The following ERAP1 variants were observed in gnomAD, a reference collection of about 807,000 sequenced individuals.
The protein encoded by ERAP1 is adipocyte-derived leucine aminopeptidase.
Under a neutral mutation model 103.7 loss-of-function variants are expected in ERAP1, and 86 were observed. The ratio of observed to expected loss-of-function variants is 0.83; its 90% CI spans 0.70 to 0.99. The LOEUF (loss-of-function observed/expected upper bound fraction) is 0.99, where lower values mean the gene tolerates loss of function less well. ERAP1 is among the 50% of genes least tolerant of loss of function. The probability of loss-of-function intolerance (pLI) is 0.00; values close to 1 mark genes in which losing one functional copy is unlikely to be tolerated. For missense variants in ERAP1, 1,009 were observed against 1,128.4 expected, an observed-to-expected ratio of 0.89 and a Z score of 1.52; for synonymous variants, 398 against 402.4, an observed-to-expected ratio of 0.99 and a Z score of 0.13.
In ERAP1 at chr5:96,776,328, A is replaced by G. The variant is rs2150875058; in HGVS notation, c.*68T>C. On this transcript the variant is annotated 3_prime_UTR_variant, in exon 19 of 19. Transcript: ENST00000443439. ...AGTTGGAGCCAAAACAGCCATCTCT[A>G]GTTTGAAAATACACTCAACAAAATG... 1 of 1,560,800 alleles carries G rather than the reference A, an allele frequency of 6.4e-7. No homozygotes were observed. Among genetic ancestry groups the G allele is most frequent in the South Asian group, 1.2e-5 (1 of 82,400 alleles).
intron 17 of ERAP1, 41 bp downstream of exon 17, chr5:96,781,017 T>C (rs1775089466): frequency 6.2e-7 from 1 of 1,612,744 alleles, no homozygotes; most frequent in South Asian, 1.1e-5. Context: ...AGTAAGGTTA[T>C]GAACTTATCC....
At chr5:96,794,308 C>T (rs1230879721) in intron 5 of ERAP1, among the ~76,000 whole-genome samples, 1 of 151,078 alleles carries the variant, frequency 6.6e-6, no homozygotes, top group African/African-American at 2.4e-5. Context: ...CCCATCTCAG[C>T]CTTGCAAGTA....
chr5:96,913,398 A>G, the ERAP1 span: 5 of 1,614,042 alleles, frequency 3.1e-6, no homozygotes, highest in African/African-American at 1.3e-5. Flanking sequence ...CCAGACGTCC[A>G]AAGGGGCAGC....
chr5:96,931,916 A>C, the ERAP1 span, among the ~76,000 whole-genome samples: 1 of 152,238 alleles, frequency 6.6e-6, no homozygotes, highest in African/African-American at 2.4e-5. Context: ...TTGTTATATG[A>C]AATGATAAAT....
downstream of ERAP1, chr5:96,773,135 A>G (rs892051278): frequency 1.3e-5 from 2 of 153,842 alleles, no homozygotes; most frequent in Non-Finnish European, 2.9e-5. Context: ...GATAATGTTT[A>G]TAAGTCAAAC....
At chr5:96,788,134 A>C (rs1776304869) in intron 11 of ERAP1, among the ~76,000 whole-genome samples, 1 of 152,184 alleles carries the variant, frequency 6.6e-6, no homozygotes, top group South Asian at 2.1e-4. Flanking sequence ...ACTCAGAAGA[A>C]GACAACTGAG....
chr5:96,790,135 A>T (rs1162265977), intron 10 of ERAP1, among the ~76,000 whole-genome samples, 161 bp downstream of exon 10: 1 of 152,358 alleles, frequency 6.6e-6, no homozygotes, highest in Admixed American at 6.5e-5. Flanking sequence ...TTTAAGAAAA[A>T]TTGAAAAAGA....
At chr5:96,786,128 A>C in intron 12 of ERAP1, 157 bp from the exon 13 acceptor site, 1 of 708,806 alleles carries the variant, frequency 1.4e-6, no homozygotes, top group Non-Finnish European at 2.4e-6. Flanking sequence ...CAGCAACTCA[A>C]TAGACAAAAG....
At chr5:96,793,064 G>A (rs1372582651) in intron 7 of ERAP1, among the ~76,000 whole-genome samples, 2 of 152,170 alleles carry the variant, frequency 1.3e-5, no homozygotes, top group Non-Finnish European at 2.9e-5. Flanking sequence ...TCAGTAATCT[G>A]TACCTAATAA....
the ERAP1 span, chr5:96,934,837 A>AG: frequency 6.6e-6 from 1 of 152,646 alleles, no homozygotes; most frequent in Non-Finnish European, 1.5e-5. Flanking sequence ...AAGTCAATGC[A>AG]GGGGCCGGGG....
At chr5:96,897,287 A>G in the ERAP1 span, among the ~76,000 whole-genome samples, 1 of 152,308 alleles carries the variant, frequency 6.6e-6, no homozygotes, top group East Asian at 1.9e-4. Context: ...TCTCTAGATC[A>G]TTGTGCCTAT....
the ERAP1 span, chr5:96,915,761 T>C: frequency 1.2e-6 from 2 of 1,600,384 alleles, no homozygotes; most frequent in Non-Finnish European, 1.7e-6. Context: ...CAAGGATAAG[T>C]TGCAAGAGGT....
the ERAP1 span, among the ~76,000 whole-genome samples, chr5:96,865,880 T>G: frequency 0.085 from 12,944 of 152,236 alleles, 697 homozygotes; most frequent in Non-Finnish European, 0.12. Flanking sequence ...CAAACCATGT[T>G]GCTTTCATCA....
chr5:96,894,514 A>T, the ERAP1 span, among the ~76,000 whole-genome samples: 22 of 32,372 alleles, frequency 6.8e-4, no homozygotes, highest in Admixed American at 1.9e-3. Flanking sequence ...CTAGATGTGC[A>T]GTATTAGGCA....
chr5:96,868,325 G>T, the ERAP1 span, among the ~76,000 whole-genome samples: 1 of 152,154 alleles, frequency 6.6e-6, no homozygotes, highest in African/African-American at 2.4e-5. Flanking sequence ...AATGAGACTG[G>T]TTATCGGTGT....
At chr5:96,831,109 T>C in the ERAP1 span, among the ~76,000 whole-genome samples, 3 of 152,194 alleles carry the variant, frequency 2.0e-5, no homozygotes, top group South Asian at 4.1e-4. Flanking sequence ...ACAGGAAGCA[T>C]AGCAGCTTCT....
In ERAP1 at chr5:96,775,134, G is replaced by A; in HGVS notation, c.*1262C>T. ...ATAAGAAATAAAATCTAATTCTTAG[G>A]GTATTAACTGACTTGACTTGAACTC... On this transcript the variant is annotated 3_prime_UTR_variant, in exon 19 of 19. Transcript: ENST00000443439. 1 of 985,402 alleles carries A rather than the reference G, an allele frequency of 1.0e-6. No individual in the cohort carries two copies. Among genetic ancestry groups the A allele is most frequent in the Non-Finnish European group, 1.2e-6 (1 of 829,880 alleles). 61.0% of individuals were successfully genotyped at this position (985,402 alleles called of 1,614,324 possible).
chr5:96,824,632 C>A, the ERAP1 span, among the ~76,000 whole-genome samples: 4 of 152,316 alleles, frequency 2.6e-5, no homozygotes, highest in South Asian at 8.3e-4. Flanking sequence ...GGAAAACTTT[C>A]CCATCTGCCA....
rs1770535270 is a variant in ERAP1 at position 96,767,772 on chromosome 5, T to G, written c.2819-4544A>C. 4 of 639,116 alleles carry G rather than the reference T, an allele frequency of 6.3e-6. No individual in the cohort carries two copies. The South Asian group carries it at 7.8e-5, about 12-fold the overall frequency. The allele number at this position is 639,116 out of a possible 1,614,324, so 39.6% of individuals were successfully genotyped here. ...TTTTTCTATCTCCTTTACAATACAT[T>G]ATTATTAATAAAGAATGTCAGTCAG... On this transcript the variant is annotated intron_variant, in intron 19 of 19. Coordinates refer to the ERAP1 transcript ENST00000296754.
Sources: gnomAD v4.1 joint callset for allele counts (sites outside exome capture counted in the v4.1 genomes callset) on GRCh38, gnomAD v4.1.1 for gene constraint, MANE v1.5 for transcripts, NCBI Gene and HGNC (gene_info 2026-07-23, HGNC 2026-07-21) for gene names.